The following NIPAL2 variants were observed in gnomAD, a reference collection of about 807,000 sequenced individuals.
NIPAL2 encodes the protein NIPA-like protein 2.
NIPAL2 carries 43 observed loss-of-function variants against 48.9 expected under a neutral mutation model. The ratio of observed to expected loss-of-function variants is 0.88; its 90% CI spans 0.69 to 1.13. The LOEUF is 1.13. Among genes scored for constraint, NIPAL2 ranks in the 50% most tolerant of loss-of-function variants. The probability of loss-of-function intolerance (pLI) is 0.00; values close to 1 mark genes in which losing one functional copy is unlikely to be tolerated. For synonymous variants in NIPAL2, 167 were observed against 174.6 expected, an observed-to-expected ratio of 0.96 and a Z score of 0.34; for missense variants, 446 against 461.4, an observed-to-expected ratio of 0.97 and a Z score of 0.31.
intron 4 of NIPAL2, among the ~76,000 whole-genome samples, chr8:98,228,860 A>G (rs1189976493): frequency 6.6e-6 from 1 of 152,252 alleles, no homozygotes; most frequent in Non-Finnish European, 1.5e-5. Flanking sequence ...TGTTTTCTCA[A>G]TGCCTAGCAA....
At chr8:98,210,578 C>T (rs1811262076) in intron 6 of NIPAL2, among the ~76,000 whole-genome samples, 2 of 152,118 alleles carry the variant, frequency 1.3e-5, no homozygotes, top group African/African-American at 4.8e-5. Context: ...TCTCTGTTTT[C>T]AGGATTTAGA....
At position 98,252,749 on chromosome 8, in the gene NIPAL2, A is replaced by AT. The variant is rs369208427; in HGVS notation, c.205-116dup. 1.5e-3 allele frequency: 1,347 copies of AT among 872,802 alleles called. 3 individuals are homozygous for AT. Among genetic ancestry groups the AT allele is most frequent in the African/African-American group, 6.8e-3 (386 of 56,414 alleles). 54.1% of individuals were successfully genotyped at this position (872,802 alleles called of 1,614,324 possible). A position where few individuals can be genotyped will look rare whatever the true frequency, so the allele number is the denominator to read the frequency against. On this transcript the variant is annotated intron_variant, in intron 2 of 10. Coordinates refer to ENST00000430223, the MANE Select transcript of NIPAL2 (RefSeq NM_001321635.2). The stretch of plus-strand genomic sequence containing the variant: ...TATAAGAACGCTAATTTATTTTTGT[A>AT]TTTTTTTTTAAGAACGAATACATTT...
At position 98,236,230 on chromosome 8, in the gene NIPAL2, C is replaced by G. The variant is rs780312350; in HGVS notation, c.377-16G>C. The G allele has an allele frequency of 6.4e-7, 1 of 1,570,670 alleles. No individual in the cohort carries two copies. The highest frequency in any genetic ancestry group is 1.2e-5 in the South Asian group (1 of 86,948). ...ATGGCACTACCTATAAAGAAAATGGCCATTAGTGGTAGTTCCAATATAAAA... is the reference window on the plus strand; with the variant it reads ...ATGGCACTACCTATAAAGAAAATGGGCATTAGTGGTAGTTCCAATATAAAA... On this transcript the variant is annotated splice_polypyrimidine_tract_variant and intron_variant, in intron 3 of 10. Transcript: ENST00000430223.
chr8:98,245,002 A>T (rs932054768), intron 3 of NIPAL2, among the ~76,000 whole-genome samples: 1 of 152,214 alleles, frequency 6.6e-6, no homozygotes, highest in Non-Finnish European at 1.5e-5. Flanking sequence ...AATATAGGAA[A>T]ATAGAAGATA....
chr8:98,277,036 C>G (rs543288577), intron 1 of NIPAL2, among the ~76,000 whole-genome samples: 1 of 142,426 alleles, frequency 7.0e-6, no homozygotes, highest in South Asian at 2.3e-4. Context: ...TCCCAAAGTG[C>G]TGGGATTACA....
chr8:98,250,574 G>GT (rs1813536208), intron 3 of NIPAL2, among the ~76,000 whole-genome samples: 1 of 152,198 alleles, frequency 6.6e-6, no homozygotes, highest in Admixed American at 6.5e-5. Context: ...GTTTGAGGCT[G>GT]TAAGTTCACA....
chr8:98,263,735 T>C (rs1306386750), intron 1 of NIPAL2, among the ~76,000 whole-genome samples: 1 of 125,788 alleles, frequency 7.9e-6, no homozygotes, highest in Non-Finnish European at 1.6e-5. Flanking sequence ...TCTGAAACTA[T>C]TCCAATCAAT....
chr8:98,289,996 CTCT>C (rs1816408564), intron 1 of NIPAL2, among the ~76,000 whole-genome samples: 1 of 152,208 alleles, frequency 6.6e-6, no homozygotes. Context: ...CTCGCATGGA[CTCT>C]TACCACATTG....
At chr8:98,285,398 C>A (rs988328073) in intron 1 of NIPAL2, among the ~76,000 whole-genome samples, 4 of 152,310 alleles carry the variant, frequency 2.6e-5, no homozygotes, top group East Asian at 3.9e-4. Context: ...TAACTCCAGC[C>A]TTGGCGACTG....
At chr8:98,275,880 G>A (rs963609182) in intron 1 of NIPAL2, among the ~76,000 whole-genome samples, 3 of 152,030 alleles carry the variant, frequency 2.0e-5, no homozygotes, top group African/African-American at 4.8e-5. Context: ...TAGTGTATCA[G>A]TTCTACCTTG....
chr8:98,190,775 T>C lies in NIPAL2; in HGVS notation c.*2203A>G, dbSNP rs796460201. 8 of 152,340 alleles carry C rather than the reference T, an allele frequency of 5.3e-5. 1 individual carries two copies. The highest frequency in any genetic ancestry group is 1.4e-4 in the African/African-American group (6 of 41,578). The allele number at this position is 152,340 out of a possible 1,614,324, so 9.4% of individuals were successfully genotyped here. ...AACACAAACTCCAAAATATGTACTC[T>C]GTGGGTCTTTACTGAAAACTTTGCC... is the stretch of plus-strand genomic sequence containing the variant. On this transcript the variant is annotated 3_prime_UTR_variant, in exon 11 of 11. Coordinates refer to ENST00000430223, the MANE Select transcript of NIPAL2 (RefSeq NM_001321635.2).
chr8:98,284,170 T>G (rs1023437715), intron 1 of NIPAL2, among the ~76,000 whole-genome samples: 1 of 152,194 alleles, frequency 6.6e-6, no homozygotes, highest in Non-Finnish European at 1.5e-5. Flanking sequence ...GATTCACTGA[T>G]GGCAATTGTC....
Position 98,252,477 on chromosome 8 carries a change from C to G in NIPAL2, c.362G>C (p.Cys121Ser). The change falls in exon 3 of 11, where the codon TGT becomes TCT. Residue 121 changes from cysteine (C) to serine (S), a missense_variant. Transcript: ENST00000430223. ...APITLIAPLG[C>S]VSVTGSAIIS... is the part of the protein sequence containing the mutation. ...GAATGGCTTACCTGTAACAGACACACAGCCTAACGGAGCGATCAGAGTAAT... is the reference window on the plus strand; with the variant it reads ...GAATGGCTTACCTGTAACAGACACAGAGCCTAACGGAGCGATCAGAGTAAT... The G allele has an allele frequency of 6.2e-7, 1 of 1,609,922 alleles. No individual in the cohort carries two copies.
At chr8:98,225,931 A>G (rs1563502564) in intron 4 of NIPAL2, among the ~76,000 whole-genome samples, 1 of 151,142 alleles carries the variant, frequency 6.6e-6, no homozygotes, top group Non-Finnish European at 1.5e-5. Context: ...CTCTGACTGT[A>G]TTTTCAAATA....
At chr8:98,240,969 C>T (rs1225118369) in intron 3 of NIPAL2, among the ~76,000 whole-genome samples, 2 of 152,210 alleles carry the variant, frequency 1.3e-5, no homozygotes, top group Non-Finnish European at 2.9e-5. Context: ...ATTTGTGCTT[C>T]GTCCTTTCTA....
rs181987658 is a variant in NIPAL2 at position 98,224,139 on chromosome 8, A to G, written c.437-1539T>C. 2.8e-3 allele frequency among the ~76,000 whole-genome samples: 430 copies of G among 152,224 alleles called. 1 individual carries two copies. The highest frequency in any genetic ancestry group is 9.8e-3 in the African/African-American group (406 of 41,534). ...TATCCAGTTCTATTAACTTTCTTGTATTTAAATTTAGTTTTGAGTAGGCAA... is the reference window on the plus strand; with the variant it reads ...TATCCAGTTCTATTAACTTTCTTGTGTTTAAATTTAGTTTTGAGTAGGCAA... On this transcript the variant is annotated intron_variant, in intron 4 of 10. Coordinates refer to ENST00000430223, the MANE Select transcript of NIPAL2 (RefSeq NM_001321635.2).
At chr8:98,198,954 CTTTTCTTTTTT>C (rs1429837258) in intron 8 of NIPAL2, among the ~76,000 whole-genome samples, 2 of 149,732 alleles carry the variant, frequency 1.3e-5, no homozygotes, top group Non-Finnish European at 3.0e-5. Flanking sequence ...TTTTCTTTTT[CTTTTCTTTTTT>C]TTTTTTTTGA....
intron 1 of NIPAL2, among the ~76,000 whole-genome samples, chr8:98,264,602 T>C (rs1478443504): frequency 6.6e-6 from 1 of 150,948 alleles, no homozygotes; most frequent in Non-Finnish European, 1.5e-5. Context: ...CAAGGAGAAC[T>C]ACAAACCCCT....
chr8:98,249,518 T>C (rs1214186359), intron 3 of NIPAL2, among the ~76,000 whole-genome samples: 1 of 151,058 alleles, frequency 6.6e-6, no homozygotes, highest in Non-Finnish European at 1.5e-5. Context: ...ATGTCATACG[T>C]ATATACATGT....
Sources: gnomAD v4.1 joint callset for allele counts (sites outside exome capture counted in the v4.1 genomes callset) on GRCh38, gnomAD v4.1.1 for gene constraint, MANE v1.5 for transcripts, NCBI Gene and HGNC (gene_info 2026-07-23, HGNC 2026-07-21) for gene names.